The following CMTR1 variants were observed in gnomAD, a reference collection of about 807,000 sequenced individuals.
The protein encoded by CMTR1 is cap methyltransferase 1.
Under a neutral mutation model 107.0 loss-of-function variants are expected in CMTR1, and 39 were observed. The observed-to-expected ratio is 0.36, with a 90% CI of 0.28 to 0.48. The LOEUF (loss-of-function observed/expected upper bound fraction) is 0.48. CMTR1 is among the 20% of genes least tolerant of loss of function. CMTR1 has a pLI of 0.99. For missense variants in CMTR1, 672 were observed against 1,064.9 expected (o/e 0.63, Z 5.14); for synonymous variants, 366 against 379.5 (o/e 0.96, Z 0.41).
At chr6:37,429,891 T>C (rs945383384), upstream of CMTR1, among the ~76,000 whole-genome samples, 1 of 151,882 alleles carries the variant, frequency 6.6e-6, no homozygotes, top group African/African-American at 2.4e-5. Context: ...TGAGCTGAGA[T>C]TGTGCCACTG....
At chr6:37,457,047 C>T (rs1483294785) in intron 8 of CMTR1, among the ~76,000 whole-genome samples, 1 of 151,156 alleles carries the variant, frequency 6.6e-6, no homozygotes, top group East Asian at 1.9e-4. Context: ...ACACCAAGAT[C>T]CTGTCTCTAA....
chr6:37,474,499 C>T (rs1281217513), intron 17 of CMTR1, 25 bp from the exon 18 acceptor site: 5 of 1,613,158 alleles, frequency 3.1e-6, no homozygotes, highest in African/African-American at 1.3e-5. Context: ...GCCTTCCTTA[C>T]CTGGCTGTTT....
At chr6:37,424,158 A>C in the CMTR1 span, among the ~76,000 whole-genome samples, 1 of 152,166 alleles carries the variant, frequency 6.6e-6, no homozygotes, top group African/African-American at 2.4e-5. Flanking sequence ...GTTAGAAAAG[A>C]AAATGATTTG....
At chr6:37,450,560 A>G (rs1196877819) in intron 5 of CMTR1, among the ~76,000 whole-genome samples, 3 of 152,098 alleles carry the variant, frequency 2.0e-5, no homozygotes, top group African/African-American at 7.2e-5. Flanking sequence ...TAAGTTATTT[A>G]AATTGTAAGG....
chr6:37,462,799 TC>T, intron 12 of CMTR1, 29 bp from the exon 13 acceptor site: 1 of 1,607,312 alleles, frequency 6.2e-7, no homozygotes. Context: ...AAGCCCTTGC[TC>T]GGTGGAGTGA....
chr6:37,451,767 C>A, intron 5 of CMTR1, 39 bp from the exon 6 acceptor site: 1 of 1,474,182 alleles, frequency 6.8e-7, no homozygotes, highest in Non-Finnish European at 9.5e-7. Flanking sequence ...CAATTGCAGT[C>A]ACACGTGGTC....
chr6:37,463,592 G>T (rs1298918528), intron 13 of CMTR1, among the ~76,000 whole-genome samples: 8 of 152,138 alleles, frequency 5.3e-5, no homozygotes, highest in Non-Finnish European at 1.0e-4. Flanking sequence ...AGTGTTTGGA[G>T]ATAGGCTGGA....
intron 13 of CMTR1, among the ~76,000 whole-genome samples, chr6:37,467,961 A>C (rs912801618): frequency 2.0e-5 from 3 of 151,118 alleles, no homozygotes. Flanking sequence ...TGTAATTATT[A>C]ATGTTTAGCT....
chr6:37,479,305 C>A, intron 23 of CMTR1, 50 bp downstream of exon 23: 2 of 1,262,600 alleles, frequency 1.6e-6, no homozygotes, highest in African/African-American at 1.5e-5. Flanking sequence ...TCAAGTACTC[C>A]TGCAGGATGC....
chr6:37,424,629 A>G, the CMTR1 span, among the ~76,000 whole-genome samples: 70 of 152,176 alleles, frequency 4.6e-4, 1 homozygote, highest in Admixed American at 5.9e-4. Flanking sequence ...CAAAATACAG[A>G]GTTGCAAACC....
intron 8 of CMTR1, among the ~76,000 whole-genome samples, chr6:37,454,055 A>C (rs1180380385): frequency 6.6e-6 from 1 of 152,218 alleles, no homozygotes; most frequent in Non-Finnish European, 1.5e-5. Context: ...CATTTCTCTG[A>C]ACATAGACTC....
rs139031530 is a variant in CMTR1, at chr6:37,455,439, C to T, written c.777+2127C>T. ...AGGTTATGGTAAAGGAGAAAGGGGG[C>T]AAGGGGAGGAAAATAAAGAAGCTAT... is the stretch of plus-strand genomic sequence containing the variant. On this transcript the variant is annotated intron_variant, in intron 8 of 23. Transcript: ENST00000373451. 1.8e-3 allele frequency among the ~76,000 whole-genome samples: 281 copies of T among 152,104 alleles called. 1 individual carries two copies. Among genetic ancestry groups the T allele is most frequent in the African/African-American group, 6.5e-3 (269 of 41,488 alleles).
chr6:37,479,290 C>T (rs1209118973), intron 23 of CMTR1, 35 bp downstream of exon 23: 1 of 1,433,860 alleles, frequency 7.0e-7, no homozygotes, highest in Non-Finnish European at 9.8e-7. Flanking sequence ...CCCTCCTTAG[C>T]AGCCTCAAGT....
chr6:37,477,131 C>T (rs1005073827), intron 20 of CMTR1, among the ~76,000 whole-genome samples: 4 of 152,316 alleles, frequency 2.6e-5, no homozygotes, highest in Non-Finnish European at 5.9e-5. Flanking sequence ...AGGGTTTCCC[C>T]ACCCGCTGTG....
chr6:37,475,821 CATACA>C, intron 19 of CMTR1: 4 of 489,214 alleles, frequency 8.2e-6, no homozygotes, highest in Non-Finnish European at 1.5e-5. Flanking sequence ...AGGGCAGACA[CATACA>C]ATAAAGATGA....
chr6:37,477,562 T>G, intron 20 of CMTR1, 30 bp from the exon 21 acceptor site: 1 of 1,605,936 alleles, frequency 6.2e-7, no homozygotes, highest in Non-Finnish European at 8.5e-7. Context: ...CCAGGAAGCC[T>G]TTGTCTTGTC....
intron 8 of CMTR1, among the ~76,000 whole-genome samples, chr6:37,456,220 C>T (rs1334313425): frequency 6.6e-6 from 1 of 152,196 alleles, no homozygotes. Context: ...ACTTGTGACC[C>T]CTGCCACATT....
In CMTR1 at chr6:37,472,274, C is replaced by T. The variant is rs144287838; in HGVS notation, c.1621-145C>T. ...AGGGAGCAGTGAGTGAATTATCCACCTCCATCCCTGTCAGCCTAGCCTCCT... is the reference window on the plus strand; with the variant it reads ...AGGGAGCAGTGAGTGAATTATCCACTTCCATCCCTGTCAGCCTAGCCTCCT... On this transcript the variant is annotated intron_variant, in intron 15 of 23. Coordinates refer to ENST00000373451, the MANE Select transcript of CMTR1 (RefSeq NM_015050.3). The surrounding 1 kb of genome is among the most constrained non-coding windows in gnomAD (Gnocchi z 4.1). 187 of 725,706 alleles carry T rather than the reference C, an allele frequency of 2.6e-4. 3 individuals are homozygous for T. The East Asian group carries it at 3.7e-3, about 14-fold the overall frequency. 45.0% of individuals were successfully genotyped at this position (725,706 alleles called of 1,614,324 possible). A position where few individuals can be genotyped will look rare whatever the true frequency, so the allele number is the denominator to read the frequency against.
At chr6:37,474,489 GCCTT>G in intron 17 of CMTR1, 31 bp from the exon 18 acceptor site, 1 of 1,611,658 alleles carries the variant, frequency 6.2e-7, no homozygotes, top group Non-Finnish European at 8.5e-7. Context: ...CGATCTCCAT[GCCTT>G]CCTTACCTGG....
Sources: allele counts gnomAD v4.1 joint callset (sites outside exome capture counted in the v4.1 genomes callset), GRCh38; gene constraint gnomAD v4.1.1; non-coding constraint Gnocchi (gnomAD v3.1); transcripts MANE v1.5; gene names NCBI Gene and HGNC (gene_info 2026-07-23, HGNC 2026-07-21).